The following ETV7 variants were observed in gnomAD, a reference collection of about 807,000 sequenced individuals.
ETV7 encodes the protein ETS variant transcription factor 7.
In ETV7, 43 loss-of-function variants were observed where a neutral mutation model predicts 39.1. The observed-to-expected ratio is 1.10, with a 90% CI of 0.86 to 1.42. The LOEUF is 1.42. ETV7 is among the 40% of genes most tolerant of loss of function. The pLI, the probability that ETV7 is intolerant of heterozygous loss-of-function variation, is 0.00. For missense variants in ETV7, 432 were observed against 442.3 expected (o/e 0.98, Z 0.21); for synonymous variants, 196 against 176.6 (o/e 1.11, Z -0.87).
chr6:36,362,645 C>T (rs183526703), downstream of ETV7, among the ~76,000 whole-genome samples: 1 of 152,174 alleles, frequency 6.6e-6, no homozygotes, highest in Non-Finnish European at 1.5e-5. Flanking sequence ...TCCAGGCACC[C>T]AGGGGTCCAT....
chr6:36,375,613 G>A (rs1472741895), intron 3 of ETV7, among the ~76,000 whole-genome samples: 1 of 152,192 alleles, frequency 6.6e-6, no homozygotes, highest in Non-Finnish European at 1.5e-5. Context: ...CAGATAAAGG[G>A]AAGAGAAAGC....
chr6:36,376,774 T>C (rs907874856), intron 2 of ETV7, among the ~76,000 whole-genome samples: 2 of 108,072 alleles, frequency 1.9e-5, no homozygotes, highest in Non-Finnish European at 3.7e-5. Context: ...AGACTCCCTC[T>C]AAAGAAAAAA....
downstream of ETV7, among the ~76,000 whole-genome samples, chr6:36,361,981 C>G (rs1772503073): frequency 2.0e-5 from 3 of 152,036 alleles, no homozygotes; most frequent in South Asian, 6.2e-4. Flanking sequence ...ACAGTGAAAC[C>G]CTGTCTCTAC....
chr6:36,367,225 T>C lies in ETV7; in HGVS notation c.808-250A>G, dbSNP rs376717738. 1.4e-4 allele frequency among the ~76,000 whole-genome samples: 22 copies of C among 152,186 alleles called. No homozygotes were observed. In the East Asian group the frequency reaches 2.5e-3, roughly 17 times the overall value. On this transcript the variant is annotated intron_variant, in intron 6 of 7. Transcript: ENST00000340181. ...TGGGAGGCCTAGGTGGGCAGATCGC[T>C]TGAGGTCAGGAGTTTGAGACCAGCC...
In ETV7 at chr6:36,371,435, C is replaced by T. The variant is rs771029891; in HGVS notation, c.559G>A (p.Glu187Lys). The T allele has an allele frequency of 6.2e-7, 1 of 1,601,130 alleles. No homozygotes were observed. The highest frequency in any genetic ancestry group is 8.5e-7 in the Non-Finnish European group (1 of 1,173,252). Reference protein sequence around the residue: ...PGLARWTPGKEESLNLCHCAE... With the variant: ...PGLARWTPGKKESLNLCHCAE... ...CAGTGACATAAGTTGAGGGACTCCTCCTTGCCAGGGGTCCACCTTGCCAGG... is the reference window on the plus strand; with the variant it reads ...CAGTGACATAAGTTGAGGGACTCCTTCTTGCCAGGGGTCCACCTTGCCAGG... Residue 187 changes from glutamate (E) to lysine (K), a missense_variant, in exon 5 of 8, where the codon GAG (glutamate) becomes AAG (lysine). Glu to Lys is a moderately conservative substitution (Grantham distance 56). Coordinates refer to ENST00000340181, the MANE Select transcript of ETV7 (RefSeq NM_016135.4).
chr6:36,355,653 T>C (rs1190100564), intron 7 of ETV7, among the ~76,000 whole-genome samples: 1 of 152,260 alleles, frequency 6.6e-6, no homozygotes, highest in Non-Finnish European at 1.5e-5. Context: ...CCTCAACTTA[T>C]CTGCCCACCT....
downstream of ETV7, among the ~76,000 whole-genome samples, chr6:36,364,437 G>A (rs1167807608): frequency 1.3e-5 from 2 of 152,234 alleles, no homozygotes. Context: ...TGGCACTGCT[G>A]GGGGACCCAG....
downstream of ETV7, among the ~76,000 whole-genome samples, chr6:36,364,863 G>A (rs766275779): frequency 8.1e-4 from 123 of 152,348 alleles, 1 homozygote; most frequent in Non-Finnish European, 1.6e-3. Flanking sequence ...GTCTCAGAGG[G>A]AAAGTGAAAG....
At chr6:36,376,705 A>G (rs903718374) in intron 2 of ETV7, among the ~76,000 whole-genome samples, 5 of 151,550 alleles carry the variant, frequency 3.3e-5, no homozygotes, top group South Asian at 2.1e-4. Context: ...GAACCCGGGA[A>G]GCAGAGGTTG....
chr6:36,362,245 C>T (rs1376807351), downstream of ETV7, among the ~76,000 whole-genome samples: 1 of 151,526 alleles, frequency 6.6e-6, no homozygotes, highest in South Asian at 2.1e-4. Flanking sequence ...GAGCTTGCAG[C>T]GAGCCGAGAT....
chr6:36,375,798 C>A lies in ETV7; in HGVS notation c.307+73G>T, dbSNP rs759667005. Reference sequence around the variant, plus strand: ...GACCCCTCCATCTCCCTCCCTGGGCCCCCCGGGGGTACTTGGGCCATCCTG... The same window carrying A: ...GACCCCTCCATCTCCCTCCCTGGGCACCCCGGGGGTACTTGGGCCATCCTG... On this transcript the variant is annotated intron_variant, in intron 3 of 7. Coordinates refer to ENST00000340181, the MANE Select transcript of ETV7 (RefSeq NM_016135.4). The A allele has an allele frequency of 1.3e-5, 21 of 1,606,762 alleles. No homozygotes were observed. In the African/African-American group the frequency reaches 2.4e-4, roughly 18 times the overall value.
chr6:36,368,613 C>T (rs140857541), intron 6 of ETV7, among the ~76,000 whole-genome samples: 5 of 152,246 alleles, frequency 3.3e-5, no homozygotes, highest in Non-Finnish European at 5.9e-5. Flanking sequence ...TCCAGCTCCC[C>T]GCAGGAAAGC....
downstream of ETV7, among the ~76,000 whole-genome samples, chr6:36,363,618 G>A (rs1561900363): frequency 6.6e-6 from 1 of 152,244 alleles, no homozygotes; most frequent in South Asian, 2.1e-4. Flanking sequence ...ACCAGAACGG[G>A]TTGCCACTGC....
At chr6:36,367,639 G>A (rs894037241) in intron 6 of ETV7, among the ~76,000 whole-genome samples, 1 of 151,790 alleles carries the variant, frequency 6.6e-6, no homozygotes, top group African/African-American at 2.4e-5. Flanking sequence ...AGACAGTATG[G>A]TGGGGTGGCA....
chr6:36,369,682 T>C (rs990912241), intron 5 of ETV7, among the ~76,000 whole-genome samples: 4 of 152,208 alleles, frequency 2.6e-5, no homozygotes, highest in Admixed American at 2.6e-4. Flanking sequence ...CTTCCTTGTA[T>C]GGGGTGGTGA....
downstream of ETV7, among the ~76,000 whole-genome samples, chr6:36,364,600 G>A (rs1022211493): frequency 3.9e-5 from 6 of 152,350 alleles, no homozygotes; most frequent in East Asian, 3.9e-4. Flanking sequence ...CCCAGTTCCC[G>A]CTCGTGCCTC....
chr6:36,357,616 C>A (rs567629810), intron 7 of ETV7, among the ~76,000 whole-genome samples: 6 of 152,218 alleles, frequency 3.9e-5, no homozygotes, highest in African/African-American at 1.4e-4. Context: ...CTGGCTCATG[C>A]CTGTAATCCC....
intron 3 of ETV7, among the ~76,000 whole-genome samples, chr6:36,374,866 T>G (rs1773231503): frequency 6.6e-6 from 1 of 151,994 alleles, no homozygotes; most frequent in South Asian, 2.1e-4. Flanking sequence ...GGTTGGGAGT[T>G]TGAGACCAGC....
downstream of ETV7, among the ~76,000 whole-genome samples, chr6:36,364,493 C>T (rs61041979): frequency 4.0e-4 from 61 of 152,368 alleles, 1 homozygote; most frequent in East Asian, 0.012. Flanking sequence ...CCCTCATTGC[C>T]CGGGGCTGGC....
Sources: allele counts gnomAD v4.1 joint callset (sites outside exome capture counted in the v4.1 genomes callset), GRCh38; gene constraint gnomAD v4.1.1; transcripts MANE v1.5; gene names NCBI Gene and HGNC (gene_info 2026-07-23, HGNC 2026-07-21).